Variants in ZKSCAN1 observed in about 807,000 individuals in gnomAD.
ZKSCAN1 encodes zinc finger protein with KRAB and SCAN domains 1.
ZKSCAN1 carries 14 observed loss-of-function variants against 51.6 expected under a neutral mutation model. The observed-to-expected ratio is 0.27, with a 90% CI of 0.18 to 0.42. The LOEUF is 0.42. Among genes scored for constraint, ZKSCAN1 ranks in the 10% least tolerant of loss-of-function variants. The pLI is 1.00. For missense variants in ZKSCAN1, 531 were observed against 710.0 expected (o/e 0.75, Z 2.86); for synonymous variants, 263 against 261.5 (o/e 1.01, Z -0.06).
chr7:100,027,294 C>CA (rs968136794), intron 3 of ZKSCAN1, among the ~76,000 whole-genome samples: 1,392 of 82,898 alleles, frequency 0.017, 20 homozygotes, highest in African/African-American at 0.053. Context: ...ACACTCATCT[C>CA]AAAAAAAAAA....
chr7:100,022,671 G>A (rs1050714902), intron 1 of ZKSCAN1, among the ~76,000 whole-genome samples: 1 of 152,204 alleles, frequency 6.6e-6, no homozygotes, highest in Non-Finnish European at 1.5e-5. Context: ...ATTGACTCCA[G>A]TAGGCAGCCA....
At position 100,023,624 on chromosome 7, in the gene ZKSCAN1, C is replaced by G; in HGVS notation, c.118C>G (p.Gln40Glu). Residue 40 changes from glutamine (Q) to glutamate (E), a missense_variant, in exon 2 of 6, where the codon CAG becomes GAG. By Grantham distance (29) the Gln-to-Glu change is conservative. Around this residue, in one of 2 missense-constraint regions of ZKSCAN1, gnomAD observed 403 missense variants for 490.5 expected, o/e 0.82. Coordinates refer to ENST00000324306, the MANE Select transcript of ZKSCAN1 (RefSeq NM_003439.4). ...AGATGAGGAAGACCACATGTGGGGG[C>G]AGGATTCCACCCTACAGGACACGCC... The part of the protein sequence containing the change: ...EEDEEDHMWG[Q>E]DSTLQDTPPP... 6.2e-7 allele frequency: 1 copy of G among 1,614,026 alleles called. No homozygotes were observed. The highest frequency in any genetic ancestry group is 1.1e-5 in the South Asian group (1 of 91,068).
chr7:100,042,468 G>A (rs1344290691), downstream of ZKSCAN1, among the ~76,000 whole-genome samples: 1 of 151,952 alleles, frequency 6.6e-6, no homozygotes, highest in African/African-American at 2.4e-5. Context: ...ACACCAACTG[G>A]GTGCCATACG....
Position 100,040,798 on chromosome 7 carries a change from T to C in ZKSCAN1, c.*6601T>C, listed in dbSNP as rs574958700. 2.6e-5 allele frequency: 26 copies of C among 985,186 alleles called. No individual in the cohort carries two copies. The highest frequency in any genetic ancestry group is 9.4e-5 in the South Asian group (2 of 21,298). The allele number at this position is 985,186 out of a possible 1,614,324, so 61.0% of individuals were successfully genotyped here. ...CCCTCACCTCAACCAGAGAAGAGCA[T>C]CCGGTTGCTTTTTAAAGCTTTTAGC... On this transcript the variant is annotated 3_prime_UTR_variant, in exon 6 of 6. Coordinates refer to ENST00000324306, the MANE Select transcript of ZKSCAN1 (RefSeq NM_003439.4).
At chr7:100,017,317 A>T (rs950122563) in intron 1 of ZKSCAN1, among the ~76,000 whole-genome samples, 3 of 151,842 alleles carry the variant, frequency 2.0e-5, no homozygotes, top group Non-Finnish European at 4.4e-5. Flanking sequence ...CTGCCTCCCG[A>T]GTTCAAGCGA....
rs1791471777 is a variant in ZKSCAN1, at chr7:100,038,841, A to G, written c.*4644A>G. ...AAACCCCGTCTCTACTAAAAATACA[A>G]AAAAATAGCTGGGCGTGGTGGCGGG... is the stretch of plus-strand genomic sequence containing the variant. On this transcript the variant is annotated 3_prime_UTR_variant, in exon 6 of 6. Transcript: ENST00000324306. 1 of 611,796 alleles carries G rather than the reference A, an allele frequency of 1.6e-6. No individual in the cohort carries two copies. Among genetic ancestry groups the G allele is most frequent in the Non-Finnish European group, 2.0e-6 (1 of 488,922 alleles). The allele number at this position is 611,796 out of a possible 1,614,324, so 37.9% of individuals were successfully genotyped here.
chr7:100,033,637 A>G lies in ZKSCAN1; in HGVS notation c.1132A>G (p.Arg378Gly). ...AGTTCCCACGGGAACAAAGTCTCAC[A>G]GATGTGATGAATGTGGTAAATGCTT... ...EEVPTGTKSH[R>G]CDECGKCFTR... is the part of the protein sequence containing the mutation. Residue 378 changes from arginine (R) to glycine (G), a missense_variant, in exon 6 of 6, where the codon AGA (arginine) becomes GGA (glycine). This residue lies in a region of ZKSCAN1 where 403 missense variants were observed against 490.5 expected (regional missense o/e 0.82). Transcript: ENST00000324306. The surrounding 1 kb of genome is among the most constrained non-coding windows in gnomAD (Gnocchi z 4.1). 1 of 1,614,230 alleles carries G rather than the reference A, an allele frequency of 6.2e-7. No homozygotes were observed. Among genetic ancestry groups the G allele is most frequent in the Non-Finnish European group, 8.5e-7 (1 of 1,180,036 alleles).
chr7:100,023,186 T>C (rs191594363), intron 1 of ZKSCAN1, among the ~76,000 whole-genome samples: 1 of 152,104 alleles, frequency 6.6e-6, no homozygotes, highest in Admixed American at 6.5e-5. Flanking sequence ...GACTTTTGTA[T>C]TTTTAGTAGA....
intron 1 of ZKSCAN1, among the ~76,000 whole-genome samples, chr7:100,020,118 C>G (rs1360427061): frequency 6.6e-6 from 1 of 152,168 alleles, no homozygotes. Flanking sequence ...AACATTGGCT[C>G]TTACTGTTAT....
intron 3 of ZKSCAN1, among the ~76,000 whole-genome samples, chr7:100,025,701 C>T (rs1790803510): frequency 6.6e-6 from 1 of 152,198 alleles, no homozygotes; most frequent in Non-Finnish European, 1.5e-5. Context: ...CAAAGCTGTA[C>T]AGTATGTTAC....
At chr7:100,042,865 T>G (rs915365338), downstream of ZKSCAN1, among the ~76,000 whole-genome samples, 1 of 148,692 alleles carries the variant, frequency 6.7e-6, no homozygotes, top group South Asian at 2.2e-4. Flanking sequence ...TGGCGCCATC[T>G]CGGCTCACTG....
Position 100,040,438 on chromosome 7 carries a change from TCAG to T in ZKSCAN1, c.*6244_*6246del. On this transcript the variant is annotated 3_prime_UTR_variant, in exon 6 of 6. Transcript: ENST00000324306. ...GTTTTTAAAATGGAATTTTCTCCCTTCAGCAAGCACTCATTAAGGAGTGAGGCT... is the reference window on the plus strand; with the variant it reads ...GTTTTTAAAATGGAATTTTCTCCCTTCAAGCACTCATTAAGGAGTGAGGCT... The T allele has an allele frequency of 1.0e-6, 1 of 985,458 alleles. No individual in the cohort carries two copies. Among genetic ancestry groups the T allele is most frequent in the South Asian group, 4.7e-5 (1 of 21,292 alleles). 61.0% of individuals were successfully genotyped at this position (985,458 alleles called of 1,614,324 possible). A position where few individuals can be genotyped will look rare whatever the true frequency, so the allele number is the denominator to read the frequency against.
chr7:100,044,680 CAAAAAAAA>C (rs59706759), downstream of ZKSCAN1: 13 of 408,102 alleles, frequency 3.2e-5, no homozygotes, highest in African/African-American at 3.8e-5. Flanking sequence ...GACTCTATCT[CAAAAAAAA>C]AAAAAAAAAA....
chr7:100,021,688 T>G, intron 1 of ZKSCAN1, among the ~76,000 whole-genome samples: 1 of 151,826 alleles, frequency 6.6e-6, no homozygotes, highest in East Asian at 1.9e-4. Flanking sequence ...CTTGTTCACA[T>G]CTGTTTATAT....
chr7:100,032,170 T>C (rs1791134967), intron 5 of ZKSCAN1, among the ~76,000 whole-genome samples: 1 of 152,256 alleles, frequency 6.6e-6, no homozygotes, highest in Non-Finnish European at 1.5e-5. Flanking sequence ...ACTATTCCTT[T>C]CTTTCTGCTA....
At chr7:100,029,765 A>G in intron 3 of ZKSCAN1, 96 bp from the exon 4 acceptor site, 1 of 1,170,716 alleles carries the variant, frequency 8.5e-7, no homozygotes, top group Non-Finnish European at 1.2e-6. Flanking sequence ...CTGAACAGTG[A>G]ACATGCTGGT....
intron 3 of ZKSCAN1, among the ~76,000 whole-genome samples, chr7:100,028,173 T>G (rs1963304): frequency 0.71 from 107,779 of 151,736 alleles, 38,597 homozygotes; most frequent in African/African-American, 0.79. Flanking sequence ...GCCAACATGG[T>G]GAAACCCCGT....
chr7:100,043,739 C>CTTAGGCT (rs1791654383), downstream of ZKSCAN1, among the ~76,000 whole-genome samples: 1 of 147,554 alleles, frequency 6.8e-6, no homozygotes, highest in African/African-American at 2.5e-5. Flanking sequence ...TCCATATCTA[C>CTTAGGCT]TTAGGCTTTT....
chr7:100,025,270 A>T (rs1383401156), intron 3 of ZKSCAN1, among the ~76,000 whole-genome samples: 3 of 151,562 alleles, frequency 2.0e-5, no homozygotes, highest in Non-Finnish European at 4.4e-5. Flanking sequence ...TTTAAAATAT[A>T]TAAAAATAAT....
Sources: gnomAD v4.1 joint callset for allele counts (sites outside exome capture counted in the v4.1 genomes callset) on GRCh38, gnomAD v4.1.1 for gene constraint, gnomAD v4.1.1 regional missense constraint, Gnocchi (gnomAD v3.1) non-coding constraint, MANE v1.5 for transcripts, NCBI Gene and HGNC (gene_info 2026-07-23, HGNC 2026-07-21) for gene names.